The following PRKACA variants were observed in gnomAD, a reference collection of about 807,000 sequenced individuals.
The protein encoded by PRKACA is protein kinase cAMP-activated catalytic subunit alpha, also known as cAMP-dependent protein kinase catalytic subunit alpha.
A neutral mutation model predicts 45.8 loss-of-function variants in PRKACA; 9 were observed. That is an observed-to-expected ratio of 0.20 (90% CI 0.12 to 0.34). The LOEUF is 0.34. Ranked by LOEUF, PRKACA falls within the 10% of genes least tolerant of loss-of-function variation. The probability of loss-of-function intolerance (pLI) is 1.00; values close to 1 mark genes in which losing one functional copy is unlikely to be tolerated. For missense variants in PRKACA, 238 were observed against 458.6 expected, an observed-to-expected ratio of 0.52 and a Z score of 4.39; for synonymous variants, 160 against 178.6, an observed-to-expected ratio of 0.90 and a Z score of 0.83.
chr19:14,108,013 C>T (rs751776951), intron 1 of PRKACA: 83 of 985,872 alleles, frequency 8.4e-5, no homozygotes, highest in African/African-American at 2.1e-4. Flanking sequence ...GAAACTTCCC[C>T]GGCAGACCCT....
At chr19:14,108,211 T>G in intron 1 of PRKACA, 1 of 942,106 alleles carries the variant, frequency 1.1e-6, no homozygotes, top group Non-Finnish European at 1.3e-6. Context: ...CCCAGCCTGG[T>G]CTCTGATGAA....
In PRKACA at chr19:14,092,769, T is replaced by C; in HGVS notation, c.*343A>G. The C allele has an allele frequency of 2.3e-6, 1 of 436,106 alleles. No homozygotes were observed. Among genetic ancestry groups the C allele is most frequent in the Admixed American group, 3.8e-5 (1 of 26,234 alleles). 27.0% of individuals were successfully genotyped at this position (436,106 alleles called of 1,614,324 possible). On this transcript the variant is annotated 3_prime_UTR_variant, in exon 10 of 10. Transcript: ENST00000308677. The stretch of plus-strand genomic sequence containing the variant: ...AGCCCCTCTTTCCATACCCTGTCCC[T>C]GGATACACCAGCAAGACCTGGTCTG...
intron 1 of PRKACA, among the ~76,000 whole-genome samples, chr19:14,117,273 G>C (rs1222182602): frequency 2.0e-5 from 3 of 151,856 alleles, no homozygotes; most frequent in Non-Finnish European, 2.9e-5. Flanking sequence ...AGTGACAGCT[G>C]GGGGGGAGCA....
chr19:14,095,805 C>G (rs924718004), intron 8 of PRKACA, among the ~76,000 whole-genome samples: 1 of 152,000 alleles, frequency 6.6e-6, no homozygotes, highest in African/African-American at 2.4e-5. Context: ...TGTGAGCCAC[C>G]GCGCCTGGCC....
Position 14,107,937 on chromosome 19 carries a change from C to T in PRKACA, c.47-528G>A, listed in dbSNP as rs1013418036. The T allele has an allele frequency of 3.0e-6, 3 of 986,936 alleles. No individual in the cohort carries two copies. The African/African-American group carries it at 5.2e-5, about 17-fold the overall frequency. The allele number at this position is 986,936 out of a possible 1,614,324, so 61.1% of individuals were successfully genotyped here. On this transcript the variant is annotated intron_variant, in intron 1 of 9. Transcript: ENST00000308677. ...GCTCCAGAGCTGGTTCAAGGGAAGT[C>T]TCGCCCGATGCCCACTCCTCGGCCC... is the stretch of plus-strand genomic sequence containing the variant.
intron 3 of PRKACA, among the ~76,000 whole-genome samples, chr19:14,104,501 C>T (rs925853297): frequency 6.6e-5 from 10 of 151,422 alleles, no homozygotes; most frequent in Non-Finnish European, 1.5e-4. Context: ...TGGAGACCAT[C>T]CTGGCTAACA....
Position 14,093,643 on chromosome 19 carries a change from G to C in PRKACA, c.915C>G (p.Ala305=). Residue 305 remains alanine (A), a synonymous_variant, in exon 9 of 10, where the codon GCC becomes GCG. Coordinates refer to ENST00000308677, the MANE Select transcript of PRKACA (RefSeq NM_002730.4). ...HKWFATTDWI[A]IYQRKVEAPF... The stretch of plus-strand genomic sequence containing the variant: ...GGAGGCCCACCTTCCTCTGGTAGAT[G>C]GCAATCCAGTCAGTTGTGGCAAACC... 2.5e-6 allele frequency: 4 copies of C among 1,613,760 alleles called. No homozygotes were observed. Among genetic ancestry groups the C allele is most frequent in the Non-Finnish European group, 3.4e-6 (4 of 1,179,772 alleles).
At chr19:14,102,746 C>T (rs1977480063) in intron 4 of PRKACA, 70 bp downstream of exon 4, 1 of 1,373,334 alleles carries the variant, frequency 7.3e-7, no homozygotes, top group South Asian at 1.2e-5. Context: ...CAGCTCCGAC[C>T]CCAGCCCTGG....
At chr19:14,093,404 A>G (rs1406153631) in intron 9 of PRKACA, among the ~76,000 whole-genome samples, 167 bp from the exon 10 acceptor site, 1 of 152,164 alleles carries the variant, frequency 6.6e-6, no homozygotes. Context: ...TAATGTAGCA[A>G]CTCATCAAAG....
At position 14,093,660 on chromosome 19, in the gene PRKACA, T is replaced by C. The variant is rs1392566426; in HGVS notation, c.898A>G (p.Thr300Ala). Residue 300 changes from threonine to alanine, a missense_variant, in exon 9 of 10, where the codon ACA becomes GCA. Coordinates refer to ENST00000308677, the MANE Select transcript of PRKACA (RefSeq NM_002730.4). ...TGGTAGATGGCAATCCAGTCAGTTG[T>C]GGCAAACCACTTGTGGTTCTTGATA... ...NDIKNHKWFA[T>A]TDWIAIYQRK... The C allele has an allele frequency of 6.2e-7, 1 of 1,613,988 alleles. No individual in the cohort carries two copies. Among genetic ancestry groups the C allele is most frequent in the East Asian group, 2.2e-5 (1 of 44,896 alleles).
At chr19:14,107,485 T>A in intron 1 of PRKACA, 76 bp from the exon 2 acceptor site, 1 of 1,519,432 alleles carries the variant, frequency 6.6e-7, no homozygotes, top group Non-Finnish European at 9.1e-7. Flanking sequence ...TCTGGGGAGA[T>A]ACTTGGTGGA....
intron 1 of PRKACA, chr19:14,107,955 C>T (rs1977662570): frequency 1.0e-6 from 1 of 986,964 alleles, no homozygotes; most frequent in Non-Finnish European, 1.2e-6. Flanking sequence ...ATGCCCACTC[C>T]TCGGCCCCAT....
intron 8 of PRKACA, among the ~76,000 whole-genome samples, chr19:14,095,109 T>A (rs1477783899): frequency 2.0e-5 from 3 of 152,124 alleles, no homozygotes; most frequent in Non-Finnish European, 4.4e-5. Context: ...CATCTTCTCC[T>A]GTGGGATCTT....
At chr19:14,106,738 G>A in intron 3 of PRKACA, 22 bp downstream of exon 3, 1 of 1,613,906 alleles carries the variant, frequency 6.2e-7, no homozygotes, top group South Asian at 1.1e-5. Context: ...GGCAGGCCCT[G>A]AGCGAGGACA....
intron 3 of PRKACA, among the ~76,000 whole-genome samples, chr19:14,106,063 T>C (rs1281590338): frequency 6.6e-6 from 1 of 151,942 alleles, no homozygotes; most frequent in Non-Finnish European, 1.5e-5. Flanking sequence ...CGGGGAATAG[T>C]GGGTGAGCCT....
intron 1 of PRKACA, 138 bp from the exon 2 acceptor site, chr19:14,107,547 G>C: frequency 7.6e-7 from 1 of 1,308,834 alleles, no homozygotes; most frequent in South Asian, 1.4e-5. Flanking sequence ...GTGCCTCTGG[G>C]GCCTTGGCTG....
intron 1 of PRKACA, among the ~76,000 whole-genome samples, chr19:14,116,849 G>A (rs1967117172): frequency 6.6e-6 from 1 of 152,028 alleles, no homozygotes; most frequent in Non-Finnish European, 1.5e-5. Flanking sequence ...GTGACAGGAT[G>A]AGAGAGGCAG....
intron 3 of PRKACA, among the ~76,000 whole-genome samples, chr19:14,106,185 A>G (rs929243910): frequency 1.3e-5 from 2 of 152,016 alleles, no homozygotes; most frequent in East Asian, 1.9e-4. Context: ...CCCCCTGTCT[A>G]AAACAAAAAA....
intron 5 of PRKACA, among the ~76,000 whole-genome samples, chr19:14,100,144 A>ATT (rs113686943): frequency 6.8e-6 from 1 of 147,070 alleles, no homozygotes. Context: ...CGCCCAGCCA[A>ATT]TTTTTTTTTT....
Sources: gnomAD v4.1 joint callset for allele counts (sites outside exome capture counted in the v4.1 genomes callset) on GRCh38, gnomAD v4.1.1 for gene constraint, MANE v1.5 for transcripts, NCBI Gene and HGNC (gene_info 2026-07-23, HGNC 2026-07-21) for gene names.